The following CCDC191 variants were observed in gnomAD, a reference collection of about 807,000 sequenced individuals.
CCDC191 encodes coiled-coil domain-containing protein 191.
In CCDC191, 99 loss-of-function variants were observed where a neutral mutation model predicts 114.0. That is an observed-to-expected ratio of 0.87 (90% CI 0.74 to 1.03). The LOEUF (loss-of-function observed/expected upper bound fraction) is 1.03, where lower values mean the gene tolerates loss of function less well. Ranked by LOEUF, CCDC191 falls within the 50% of genes least tolerant of loss-of-function variation. CCDC191 has a pLI of 0.00. For missense variants in CCDC191, 973 were observed against 1,087.0 expected (o/e 0.90, Z 1.47); for synonymous variants, 351 against 376.0 (o/e 0.93, Z 0.77).
chr3:114,054,369 A>G (rs926511048), intron 1 of CCDC191, among the ~76,000 whole-genome samples: 2 of 152,180 alleles, frequency 1.3e-5, no homozygotes, highest in African/African-American at 4.8e-5. Context: ...GCAGTGGCTC[A>G]TGCCTGTAAT....
chr3:113,968,759 T>G (rs1332347469), intron 16 of CCDC191, among the ~76,000 whole-genome samples: 1 of 152,052 alleles, frequency 6.6e-6, no homozygotes, highest in African/African-American at 2.4e-5. Flanking sequence ...TATAATGGAC[T>G]TGCCCATTTT....
At chr3:114,006,617 T>TATATATATATATATATATATAA (rs1482068610) in intron 9 of CCDC191, among the ~76,000 whole-genome samples, 13 of 118,424 alleles carry the variant, frequency 1.1e-4, no homozygotes, top group African/African-American at 4.1e-4. Context: ...TATATATATA[T>TATATATATATATATATATATAA]AAATATATAT....
intron 8 of CCDC191, among the ~76,000 whole-genome samples, chr3:114,016,368 T>G (rs2076158176): frequency 1.3e-5 from 2 of 152,208 alleles, no homozygotes; most frequent in Admixed American, 1.3e-4. Context: ...TTGCTTATTA[T>G]TCAACAAGTA....
chr3:113,978,407 A>G (rs1245936860), intron 15 of CCDC191, 76 bp from the exon 16 acceptor site: 3 of 1,434,202 alleles, frequency 2.1e-6, no homozygotes, highest in Non-Finnish European at 2.9e-6. Flanking sequence ...AAACAGCACA[A>G]AAGACAGAAA....
intron 13 of CCDC191, among the ~76,000 whole-genome samples, chr3:114,000,808 C>T (rs942930895): frequency 5.9e-5 from 9 of 151,640 alleles, no homozygotes; most frequent in South Asian, 4.2e-4. Context: ...GGTGTCACTG[C>T]GCCCAGATGA....
At chr3:114,046,477 A>G in intron 3 of CCDC191, 114 bp downstream of exon 3, 1 of 733,518 alleles carries the variant, frequency 1.4e-6, no homozygotes, top group Non-Finnish European at 2.4e-6. Context: ...GGGGAGTAGA[A>G]AGAAAGGGAA....
intron 13 of CCDC191, among the ~76,000 whole-genome samples, chr3:113,992,062 C>T (rs573364192): frequency 2.6e-5 from 4 of 152,266 alleles, no homozygotes; most frequent in African/African-American, 9.6e-5. Context: ...CATCATATCC[C>T]CGCAGAAGCA....
intron 15 of CCDC191, 101 bp downstream of exon 15, chr3:113,978,757 G>A (rs375244652): frequency 3.4e-5 from 45 of 1,308,724 alleles, no homozygotes; most frequent in Middle Eastern, 3.8e-4. Flanking sequence ...TTTTGTTCTT[G>A]AAAAAACATA....
At chr3:113,977,971 C>CT (rs1443479247) in intron 16 of CCDC191, among the ~76,000 whole-genome samples, 1 of 152,050 alleles carries the variant, frequency 6.6e-6, no homozygotes, top group Non-Finnish European at 1.5e-5. Flanking sequence ...AAAGGGCAGG[C>CT]CTCCTCCTCC....
At chr3:114,055,737 T>A (rs1256535120) in intron 1 of CCDC191, among the ~76,000 whole-genome samples, 1 of 152,232 alleles carries the variant, frequency 6.6e-6, no homozygotes, top group Non-Finnish European at 1.5e-5. Flanking sequence ...TTTGCACATG[T>A]CACATATGTT....
intron 3 of CCDC191, among the ~76,000 whole-genome samples, chr3:114,045,338 C>G (rs901232083): frequency 6.6e-6 from 1 of 152,068 alleles, no homozygotes; most frequent in Non-Finnish European, 1.5e-5. Flanking sequence ...CTCTCTTTTT[C>G]TCCCCTATAA....
chr3:114,031,786 A>G lies in CCDC191; in HGVS notation c.819-7T>C, dbSNP rs1245383190. ...TTCTTGCCTTTTCTTCTCTCTATTA[A>G]TAACAATTTAAAAATACATGTATAT... On this transcript the variant is annotated splice_region_variant and splice_polypyrimidine_tract_variant and intron_variant, in intron 6 of 16. Transcript: ENST00000295878. 1.7e-6 allele frequency: 2 copies of G among 1,205,740 alleles called. No individual in the cohort carries two copies. The highest frequency in any genetic ancestry group is 2.1e-5 in the Admixed American group (1 of 48,382). 74.7% of individuals were successfully genotyped at this position (1,205,740 alleles called of 1,614,324 possible).
chr3:114,003,055 A>G, intron 11 of CCDC191: 1 of 985,436 alleles, frequency 1.0e-6, no homozygotes, highest in Non-Finnish European at 1.2e-6. Context: ...ATTTGAATCT[A>G]GTTTTAAGGC....
At chr3:113,966,494 C>T (rs1940182254) in intron 16 of CCDC191, among the ~76,000 whole-genome samples, 2 of 152,126 alleles carry the variant, frequency 1.3e-5, no homozygotes, top group Admixed American at 1.3e-4. Context: ...GAGGAGCAGA[C>T]CTTTTTGAAG....
At chr3:114,001,737 T>C (rs1248264521) in intron 12 of CCDC191, 41 bp from the exon 13 acceptor site, 2 of 1,610,898 alleles carry the variant, frequency 1.2e-6, no homozygotes, top group African/African-American at 1.3e-5. Context: ...AACCCTCAAT[T>C]TGAACAGAAA....
At chr3:114,037,790 A>G (rs1400195945) in intron 4 of CCDC191, among the ~76,000 whole-genome samples, 1 of 152,210 alleles carries the variant, frequency 6.6e-6, no homozygotes, top group African/African-American at 2.4e-5. Flanking sequence ...ACCCAATACA[A>G]TGTAAATGCT....
chr3:114,018,922 A>G (rs1337777337), intron 7 of CCDC191, 54 bp from the exon 8 acceptor site: 4 of 1,480,170 alleles, frequency 2.7e-6, no homozygotes, highest in East Asian at 2.3e-5. Context: ...TGTTTCTAAT[A>G]TCTAACACTG....
intron 13 of CCDC191, among the ~76,000 whole-genome samples, chr3:113,982,389 C>T (rs367589972): frequency 1.3e-5 from 2 of 152,136 alleles, no homozygotes; most frequent in South Asian, 2.1e-4. Flanking sequence ...AATATTACCA[C>T]ATTTTCAATT....
chr3:113,987,271 TAAAG>T (rs1485270558), intron 13 of CCDC191, among the ~76,000 whole-genome samples: 2 of 152,030 alleles, frequency 1.3e-5, no homozygotes, highest in Non-Finnish European at 2.9e-5. Context: ...TAAGAAATGG[TAAAG>T]AAAGTTCTTC....
Sources: gnomAD v4.1 joint callset for allele counts (sites outside exome capture counted in the v4.1 genomes callset) on GRCh38, gnomAD v4.1.1 for gene constraint, MANE v1.5 for transcripts, NCBI Gene and HGNC (gene_info 2026-07-23, HGNC 2026-07-21) for gene names.